SEPTIN8: variants seen among roughly 807,000 people sequenced by gnomAD.
SEPTIN8 encodes the protein septin 8.
SEPTIN8 carries 22 observed loss-of-function variants against 53.1 expected under a neutral mutation model. The ratio of observed to expected loss-of-function variants is 0.41; its 90% confidence interval spans 0.30 to 0.59. SEPTIN8 has a LOEUF of 0.59. SEPTIN8 is among the 20% of genes least tolerant of loss of function. SEPTIN8 has a pLI of 0.24. For synonymous variants in SEPTIN8, 228 were observed against 248.4 expected (o/e 0.92, Z 0.77); for missense variants, 536 against 638.7 (o/e 0.84, Z 1.73).
chr5:132,765,513 G>A lies in SEPTIN8; in HGVS notation c.47C>T (p.Pro16Leu). The A allele has an allele frequency of 2.5e-6, 4 of 1,603,132 alleles. No homozygotes were observed. The highest frequency in any genetic ancestry group is 2.2e-5 in the South Asian group (2 of 89,214). ...ATGGCCGCCCAGGGAGAGGCTCCGG[G>A]GCTCTGGCTCTGCATTCTGCCAAGA... ...LERFSNAEPE[P>L]RSLSLGGHVG... Residue 16 changes from proline to leucine, a missense_variant, in exon 2 of 10, where the codon CCC becomes CTC. Pro to Leu is a moderately conservative substitution (Grantham distance 98). Transcript: ENST00000378719.
intron 9 of SEPTIN8, among the ~76,000 whole-genome samples, chr5:132,755,071 G>A (rs1308835802): frequency 6.6e-6 from 1 of 152,100 alleles, no homozygotes; most frequent in African/African-American, 2.4e-5. Context: ...TTCCTGGAGA[G>A]TCTCTGTCCT....
At chr5:132,777,368 C>A, upstream of SEPTIN8, 1 of 1,033,954 alleles carries the variant, frequency 9.7e-7, no homozygotes, top group Non-Finnish European at 1.2e-6. The surrounding 1 kb of genome is among the most constrained non-coding windows in gnomAD (Gnocchi z 4.1). Context: ...CAGCCGGAGC[C>A]CCGCCGCTTG....
chr5:132,756,702 C>A, intron 9 of SEPTIN8: 4 of 985,468 alleles, frequency 4.1e-6, no homozygotes, highest in Non-Finnish European at 4.8e-6. Flanking sequence ...GACCAGAAAA[C>A]ACAAGTCTGT....
chr5:132,754,508 C>A, intron 9 of SEPTIN8: 1 of 717,426 alleles, frequency 1.4e-6, no homozygotes, highest in Non-Finnish European at 2.6e-6. Context: ...GAGAGCTGAT[C>A]CAACTCAAAC....
At position 132,751,793 on chromosome 5, in the gene SEPTIN8, C is replaced by T; in HGVS notation, c.*223G>A. 1.3e-6 allele frequency: 1 copy of T among 750,676 alleles called. No homozygotes were observed. The highest frequency in any genetic ancestry group is 2.1e-6 in the Non-Finnish European group (1 of 480,762). The allele number at this position is 750,676 out of a possible 1,614,324, so 46.5% of individuals were successfully genotyped here. On this transcript the variant is annotated 3_prime_UTR_variant, in exon 10 of 10. Coordinates refer to ENST00000378719, the MANE Select transcript of SEPTIN8 (RefSeq NM_001098811.2). ...GTCCCGGAGTGGAAGCTCAGCTTGG[C>T]CACAGGATGGGCATTAAGCCTCAAG...
chr5:132,772,020 C>A (rs896147864), intron 1 of SEPTIN8, among the ~76,000 whole-genome samples: 7 of 152,136 alleles, frequency 4.6e-5, no homozygotes, highest in African/African-American at 1.7e-4. Context: ...AGAGAAGATT[C>A]AAGCAAGGAT....
At chr5:132,778,081 T>C (rs1757944455), upstream of SEPTIN8, 1 of 985,358 alleles carries the variant, frequency 1.0e-6, no homozygotes, top group Admixed American at 6.1e-5. Context: ...AAATTAACAC[T>C]TACGCCAGGG....
In SEPTIN8 at chr5:132,759,472, C is replaced by T. The variant is rs543287381; in HGVS notation, c.1286+1330G>A. ...CCCTGAACTGGCCACAGACCCCTGT[C>T]TGCAGTTGCTGAGTGGTTTCTCCAC... On this transcript the variant is annotated intron_variant, in intron 9 of 9. Coordinates refer to ENST00000378719, the MANE Select transcript of SEPTIN8 (RefSeq NM_001098811.2). 1.6e-4 allele frequency among the ~76,000 whole-genome samples: 24 copies of T among 152,290 alleles called. 1 individual carries two copies. The South Asian group carries it at 5.0e-3, about 32-fold the overall frequency.
At chr5:132,758,630 GC>G in intron 9 of SEPTIN8, 1 of 1,591,662 alleles carries the variant, frequency 6.3e-7, no homozygotes, top group Non-Finnish European at 8.6e-7. Context: ...GAGAGGGGTG[GC>G]CCGCCAGGCC....
chr5:132,768,218 C>G (rs1305436119), intron 1 of SEPTIN8, among the ~76,000 whole-genome samples: 1 of 152,002 alleles, frequency 6.6e-6, no homozygotes, highest in Non-Finnish European at 1.5e-5. Flanking sequence ...AAGTTGTTAC[C>G]CAGGCTACAC....
intron 4 of SEPTIN8, among the ~76,000 whole-genome samples, chr5:132,762,983 T>TG (rs1160283284): frequency 5.3e-5 from 8 of 152,034 alleles, no homozygotes; most frequent in Non-Finnish European, 1.2e-4. Flanking sequence ...GAAGGAGTGG[T>TG]GGGGGGGCTA....
chr5:132,761,821 A>G lies in SEPTIN8; in HGVS notation c.772T>C (p.Tyr258His). The G allele has an allele frequency of 6.2e-7, 1 of 1,609,116 alleles. No individual in the cohort carries two copies. The stretch of plus-strand genomic sequence containing the variant: ...TCACCCTGCACCACTCCCCAGGGGT[A>G]CTGCCGTGCTCGGACCAGCTTGTTC... ...VGNKLVRARQ[Y>H]PWGVVQVENE... is the part of the protein sequence containing the mutation. The change falls in exon 6 of 10, where the codon TAC becomes CAC. Residue 258 changes from tyrosine (Y) to histidine (H), a missense_variant. This residue lies in a region of SEPTIN8 where 395 missense variants were observed against 451.8 expected (regional missense o/e 0.87). Coordinates refer to ENST00000378719, the MANE Select transcript of SEPTIN8 (RefSeq NM_001098811.2). This position sits in a 1 kb window ranked among gnomAD's most constrained non-coding sequence, Gnocchi z 5.8.
intron 1 of SEPTIN8, among the ~76,000 whole-genome samples, chr5:132,772,792 G>A (rs1002594836): frequency 6.6e-5 from 10 of 152,140 alleles, no homozygotes; most frequent in Non-Finnish European, 1.2e-4. Context: ...TTTGTACCCA[G>A]GCCCAAGAGC....
intron 1 of SEPTIN8, among the ~76,000 whole-genome samples, chr5:132,767,401 A>G (rs1756710736): frequency 6.6e-6 from 1 of 151,830 alleles, no homozygotes; most frequent in Non-Finnish European, 1.5e-5. Context: ...CAGCTACTCT[A>G]CTTTTCCCTT....
intron 4 of SEPTIN8, 124 bp from the exon 5 acceptor site, chr5:132,762,769 G>C (rs1756124176): frequency 9.4e-7 from 1 of 1,063,104 alleles, no homozygotes; most frequent in Non-Finnish European, 1.4e-6. Flanking sequence ...AAGGAGGCCA[G>C]AGAGATGGAG....
At chr5:132,758,207 A>C in intron 9 of SEPTIN8, 1 of 1,190,892 alleles carries the variant, frequency 8.4e-7, no homozygotes, top group Non-Finnish European at 1.0e-6. Flanking sequence ...TATACATAAG[A>C]AAGGTTTAGC....
intron 1 of SEPTIN8, among the ~76,000 whole-genome samples, chr5:132,767,979 A>ACACG (rs1561764120): frequency 1.3e-5 from 2 of 150,108 alleles, no homozygotes; most frequent in Non-Finnish European, 3.0e-5. Flanking sequence ...ACACACACAC[A>ACACG]CACACACGCA....
chr5:132,761,133 C>T lies in SEPTIN8; in HGVS notation c.1095G>A (p.Glu365=). The T allele has an allele frequency of 3.1e-6, 5 of 1,614,214 alleles. No homozygotes were observed. Among genetic ancestry groups the T allele is most frequent in the Non-Finnish European group, 4.2e-6 (5 of 1,180,028 alleles). ...TELELKEKER[E]LHEKFEHLKR... is the part of the protein sequence containing the mutation. ...TCCCAGCCCCCAGCCTGGCACATAC[C>T]TCCCTTTCCTTCTCCTTCAGCTCCA... The change falls in exon 8 of 10, where the codon GAG becomes GAA. Residue 365 remains glutamate, a splice_region_variant and synonymous_variant. Coordinates refer to ENST00000378719, the MANE Select transcript of SEPTIN8 (RefSeq NM_001098811.2). This position sits in a 1 kb window ranked among gnomAD's most constrained non-coding sequence, Gnocchi z 5.8.
intron 1 of SEPTIN8, among the ~76,000 whole-genome samples, chr5:132,769,688 ACCACACTGCTCAGGAGAGCAAAG>A: frequency 6.6e-6 from 1 of 152,032 alleles, no homozygotes; most frequent in South Asian, 2.1e-4. Flanking sequence ...TTTGCCCAAG[ACCACACTGCTCAGGAGAGCAAAG>A]CCAGGATCTG....
Sources: allele counts gnomAD v4.1 joint callset (sites outside exome capture counted in the v4.1 genomes callset), GRCh38; gene constraint gnomAD v4.1.1; regional missense constraint gnomAD v4.1.1; non-coding constraint Gnocchi (gnomAD v3.1); transcripts MANE v1.5; gene names NCBI Gene and HGNC (gene_info 2026-07-23, HGNC 2026-07-21).